Variants in LYPLAL1 observed in about 807,000 individuals in gnomAD.
LYPLAL1 encodes lysophospholipase like 1.
Under a neutral mutation model 19.7 loss-of-function variants are expected in LYPLAL1, and 23 were observed. The ratio of observed to expected loss-of-function variants is 1.17; its 90% CI spans 0.84 to 1.65. The LOEUF (loss-of-function observed/expected upper bound fraction) is 1.65, where lower values mean the gene tolerates loss of function less well. Among genes scored for constraint, LYPLAL1 ranks in the 40% most tolerant of loss-of-function variants. LYPLAL1 has a pLI of 0.00. For synonymous variants in LYPLAL1, 119 were observed against 96.3 expected, an observed-to-expected ratio of 1.24 and a Z score of -1.38; for missense variants, 355 against 279.4, an observed-to-expected ratio of 1.27 and a Z score of -1.93.
At chr1:219,390,295 G>C in the LYPLAL1 span, among the ~76,000 whole-genome samples, 1 of 152,150 alleles carries the variant, frequency 6.6e-6, no homozygotes, top group Non-Finnish European at 1.5e-5. Flanking sequence ...AGAGCACCAG[G>C]AGGGGCTCTC....
chr1:219,346,494 A>G, the LYPLAL1 span, among the ~76,000 whole-genome samples: 1 of 149,746 alleles, frequency 6.7e-6, no homozygotes, highest in Non-Finnish European at 1.5e-5. Flanking sequence ...AGCCATAAAC[A>G]TCAGTTCTAT....
At chr1:219,208,992 C>A (rs1658788169) in intron 3 of LYPLAL1, among the ~76,000 whole-genome samples, 1 of 151,968 alleles carries the variant, frequency 6.6e-6, no homozygotes, top group Admixed American at 6.6e-5. Context: ...TGGCTTTTAA[C>A]CTTTTGGAGA....
chr1:219,217,726 A>G (rs1262268599), downstream of LYPLAL1, among the ~76,000 whole-genome samples: 1 of 151,926 alleles, frequency 6.6e-6, no homozygotes, highest in African/African-American at 2.4e-5. Context: ...TTAAGGTTTT[A>G]CTCTCCTAAG....
chr1:219,180,234 C>T (rs911497502), intron 2 of LYPLAL1, among the ~76,000 whole-genome samples: 2 of 152,156 alleles, frequency 1.3e-5, no homozygotes, highest in East Asian at 3.9e-4. Flanking sequence ...ATCCACTCAC[C>T]GCGGCCTCCC....
At chr1:219,417,213 T>C in the LYPLAL1 span, among the ~76,000 whole-genome samples, 1 of 151,226 alleles carries the variant, frequency 6.6e-6, no homozygotes, top group African/African-American at 2.5e-5. Flanking sequence ...AATTCATTGG[T>C]ATAGGAAATT....
rs558244233 is a variant in LYPLAL1 at position 219,201,594 on chromosome 1, A to G, written c.361+8343A>G. ...CATATTATAATATATAATATACCAA[A>G]TTAAAGTGGGGGTAAAAACATTTTT... On this transcript the variant is annotated intron_variant, in intron 3 of 4. Transcript: ENST00000366928. 2.6e-5 allele frequency among the ~76,000 whole-genome samples: 4 copies of G among 152,096 alleles called. No individual in the cohort carries two copies. In the South Asian group the frequency reaches 6.2e-4, roughly 24 times the overall value.
At chr1:219,391,219 A>T in the LYPLAL1 span, among the ~76,000 whole-genome samples, 1 of 152,096 alleles carries the variant, frequency 6.6e-6, no homozygotes, top group African/African-American at 2.4e-5. Flanking sequence ...CCCATTTGCT[A>T]TTGATCCTTT....
At chr1:219,228,491 T>C in the LYPLAL1 span, among the ~76,000 whole-genome samples, 15 of 150,614 alleles carry the variant, frequency 1.0e-4, no homozygotes, top group Non-Finnish European at 2.2e-4. Flanking sequence ...CTATGTCTTA[T>C]CTCAAGTAAA....
the LYPLAL1 span, among the ~76,000 whole-genome samples, chr1:219,294,134 A>T: frequency 6.6e-6 from 1 of 152,236 alleles, no homozygotes; most frequent in Non-Finnish European, 1.5e-5. Context: ...GAATTGTAAT[A>T]ACCATTTGAT....
At chr1:219,249,386 C>A in the LYPLAL1 span, among the ~76,000 whole-genome samples, 27 of 152,112 alleles carry the variant, frequency 1.8e-4, no homozygotes, top group Admixed American at 4.6e-4. Flanking sequence ...GTAATTCACT[C>A]CTGTGTAATA....
At chr1:219,422,313 G>A in the LYPLAL1 span, among the ~76,000 whole-genome samples, 2 of 152,190 alleles carry the variant, frequency 1.3e-5, no homozygotes, top group Non-Finnish European at 1.5e-5. Context: ...GTTGCAGGCT[G>A]GATTTGGCTT....
the LYPLAL1 span, among the ~76,000 whole-genome samples, chr1:219,404,298 G>A: frequency 3.0e-4 from 46 of 151,970 alleles, no homozygotes; most frequent in Admixed American, 1.6e-3. Flanking sequence ...CACACGTCAG[G>A]GCATAGCACT....
the LYPLAL1 span, among the ~76,000 whole-genome samples, chr1:219,335,229 A>G: frequency 3.9e-5 from 6 of 151,932 alleles, no homozygotes; most frequent in Admixed American, 3.9e-4. Flanking sequence ...AATCAATTCC[A>G]TCGATACTAT....
the LYPLAL1 span, among the ~76,000 whole-genome samples, chr1:219,223,877 T>G: frequency 6.6e-6 from 1 of 152,252 alleles, no homozygotes; most frequent in Admixed American, 6.5e-5. Context: ...TGTTTTGTTT[T>G]TTTCTTTTGC....
At chr1:219,441,278 A>G in the LYPLAL1 span, among the ~76,000 whole-genome samples, 3 of 152,208 alleles carry the variant, frequency 2.0e-5, no homozygotes, top group African/African-American at 2.4e-5. Context: ...GACATTTAAT[A>G]TTAAGGAACT....
chr1:219,389,233 C>G, the LYPLAL1 span, among the ~76,000 whole-genome samples: 2 of 152,146 alleles, frequency 1.3e-5, no homozygotes, highest in Non-Finnish European at 2.9e-5. Context: ...ATTTGTCAGA[C>G]TTTTCCTGGA....
the LYPLAL1 span, among the ~76,000 whole-genome samples, chr1:219,249,491 G>A: frequency 6.6e-6 from 1 of 151,914 alleles, no homozygotes; most frequent in African/African-American, 2.4e-5. Flanking sequence ...GCTCTTATGA[G>A]CACCACTGAC....
chr1:219,247,908 G>C, the LYPLAL1 span, among the ~76,000 whole-genome samples: 1 of 150,656 alleles, frequency 6.6e-6, no homozygotes, highest in Non-Finnish European at 1.5e-5. Context: ...GGGTAGAGAG[G>C]GTTAAAAAAA....
At chr1:219,313,083 G>A in the LYPLAL1 span, among the ~76,000 whole-genome samples, 1 of 152,190 alleles carries the variant, frequency 6.6e-6, no homozygotes. Context: ...TTGGAAGGCA[G>A]ATCTCGTTGT....
Sources: gnomAD v4.1 joint callset for allele counts (sites outside exome capture counted in the v4.1 genomes callset) on GRCh38, gnomAD v4.1.1 for gene constraint, MANE v1.5 for transcripts, NCBI Gene and HGNC (gene_info 2026-07-23, HGNC 2026-07-21) for gene names.